Variants in MRE11 observed in about 807,000 individuals in gnomAD.
The protein encoded by MRE11 is MRE11 double strand break repair nuclease, also known as double-strand break repair protein MRE11.
MRE11 carries 62 observed loss-of-function variants against 91.7 expected under a neutral mutation model. The observed-to-expected ratio is 0.68, with a 90% CI of 0.55 to 0.84. The LOEUF (loss-of-function observed/expected upper bound fraction) is 0.84, where lower values mean the gene tolerates loss of function less well. Ranked by LOEUF, MRE11 falls within the 40% of genes least tolerant of loss-of-function variation. The pLI is 0.00. For missense variants in MRE11, 796 were observed against 852.9 expected (o/e 0.93, Z 0.83); for synonymous variants, 273 against 271.4 (o/e 1.01, Z -0.06).
chr11:94,477,517 G>C (rs987032190), intron 6 of MRE11, among the ~76,000 whole-genome samples: 1 of 152,166 alleles, frequency 6.6e-6, no homozygotes, highest in African/African-American at 2.4e-5. Flanking sequence ...GGATTAGAGA[G>C]GGTCTCAGAA....
chr11:94,422,546 A>C (rs34056638), intron 19 of MRE11, among the ~76,000 whole-genome samples: 23,927 of 152,034 alleles, frequency 0.16, 2,382 homozygotes, highest in African/African-American at 0.28. Flanking sequence ...TAGAAGCTAA[A>C]AAAAATTCCG....
chr11:94,512,324 G>A, the MRE11 span: 2 of 418,230 alleles, frequency 4.8e-6, no homozygotes, highest in South Asian at 2.7e-4. Flanking sequence ...AAAGTCCTTT[G>A]CTTTGGTCAA....
At chr11:94,430,713 C>T (rs924263045) in intron 18 of MRE11, among the ~76,000 whole-genome samples, 1 of 152,110 alleles carries the variant, frequency 6.6e-6, no homozygotes, top group African/African-American at 2.4e-5. Flanking sequence ...TCGTGATCCG[C>T]CCACCTCGGC....
In MRE11 at chr11:94,419,456, G is replaced by C. The variant is rs886048755; in HGVS notation, c.*669C>G. ...AGGAGAAAGGAAGAGTGGGGAACGG[G>C]GGGGAGAGGGAGAGAGAGAGAGAGA... is the stretch of plus-strand genomic sequence containing the variant. On this transcript the variant is annotated 3_prime_UTR_variant, in exon 20 of 20. Transcript: ENST00000323929. The C allele has an allele frequency of 1.3e-4, 30 of 222,258 alleles. No individual in the cohort carries two copies. The highest frequency in any genetic ancestry group is 4.1e-4 in the South Asian group (2 of 4,878). 13.8% of individuals were successfully genotyped at this position (222,258 alleles called of 1,614,324 possible).
In MRE11 at chr11:94,464,197, A is replaced by G. The variant is rs767307692; in HGVS notation, c.1141T>C (p.Phe381Leu). Residue 381 changes from phenylalanine (F) to leucine (L), a missense_variant, in exon 11 of 20, where the codon TTT becomes CTT. By Grantham distance (22) the Phe-to-Leu change is conservative. Transcript: ENST00000323929. ...GGFEPFSVLR[F>L]SQKFVDRVAN... ...ACCCGATCCACAAATTTCTGGCTAA[A>G]GCGAAGAACACTGAAAGGTTCAAAA... The G allele has an allele frequency of 3.2e-5, 52 of 1,613,912 alleles. No individual in the cohort carries two copies. Among genetic ancestry groups the G allele is most frequent in the Non-Finnish European group, 4.4e-5 (52 of 1,179,958 alleles).
At chr11:94,459,387 A>T in intron 13 of MRE11, 21 bp downstream of exon 13, 1 of 1,613,066 alleles carries the variant, frequency 6.2e-7, no homozygotes, top group Non-Finnish European at 8.5e-7. Context: ...ATAGACCTAG[A>T]CACTCAAATT....
intron 8 of MRE11, among the ~76,000 whole-genome samples, chr11:94,470,963 A>G (rs1234432282): frequency 1.3e-5 from 2 of 152,060 alleles, no homozygotes; most frequent in African/African-American, 2.4e-5. Flanking sequence ...ACATCTATAT[A>G]CCTATGTATA....
rs781261698 is a variant in MRE11, at chr11:94,467,786, T to C, written c.1098+27A>G. On this transcript the variant is annotated intron_variant, in intron 10 of 19. Transcript: ENST00000323929. ...ATTACTATGCTTTGAAAATTAATAA[T>C]ATTCAATCTATATAAATAGGACTTA... The C allele has an allele frequency of 1.9e-6, 3 of 1,548,210 alleles. No homozygotes were observed. The Admixed American group carries it at 5.0e-5, about 26-fold the overall frequency.
intron 16 of MRE11, 26 bp from the exon 17 acceptor site, chr11:94,437,261 ATTATG>A (rs1178413469): frequency 6.2e-7 from 1 of 1,605,570 alleles, no homozygotes; most frequent in African/African-American, 1.3e-5. Context: ...TGAAATGTGC[ATTATG>A]TTATTCTTAA....
chr11:94,483,153 A>G (rs1332481510), intron 4 of MRE11, among the ~76,000 whole-genome samples: 1 of 151,918 alleles, frequency 6.6e-6, no homozygotes, highest in Non-Finnish European at 1.5e-5. Context: ...CTCCCAATAT[A>G]AAGTCACACT....
At chr11:94,502,868 T>TAAACA in the MRE11 span, among the ~76,000 whole-genome samples, 1 of 152,262 alleles carries the variant, frequency 6.6e-6, no homozygotes, top group South Asian at 2.1e-4. Flanking sequence ...AGAGACTGGG[T>TAAACA]TTCACTATGT....
In MRE11 at chr11:94,492,916, A is replaced by T; in HGVS notation, c.-105-10T>A. 1 of 947,382 alleles carries T rather than the reference A, an allele frequency of 1.1e-6. No individual in the cohort carries two copies. The highest frequency in any genetic ancestry group is 1.7e-6 in the Non-Finnish European group (1 of 593,582). The allele number at this position is 947,382 out of a possible 1,614,324, so 58.7% of individuals were successfully genotyped here. ...CCAAATTCTAGAAATTCTAAAAACA[A>T]AATTACATCATAAAACACATTTTTT... On this transcript the variant is annotated splice_polypyrimidine_tract_variant and intron_variant, in intron 1 of 19. Transcript: ENST00000323929.
chr11:94,447,484 C>A (rs1945970101), intron 14 of MRE11, 46 bp from the exon 15 acceptor site: 3 of 1,559,256 alleles, frequency 1.9e-6, no homozygotes, highest in South Asian at 1.1e-5. Context: ...AGATAACGTA[C>A]CATCCTAAAA....
intron 14 of MRE11, among the ~76,000 whole-genome samples, chr11:94,451,714 T>C (rs1565215271): frequency 1.3e-5 from 2 of 152,168 alleles, no homozygotes; most frequent in Admixed American, 6.5e-5. Context: ...CCCAAATGTA[T>C]ATCTTCATAA....
chr11:94,439,061 C>T (rs554715), intron 16 of MRE11, among the ~76,000 whole-genome samples: 100,249 of 152,044 alleles, frequency 0.66, 33,203 homozygotes, highest in South Asian at 0.77. Context: ...TTACAACTCC[C>T]GTGGCTACAA....
Position 94,470,581 on chromosome 11 carries a change from T to A in MRE11, c.907A>T (p.Thr303Ser). Residue 303 changes from threonine (T) to serine (S), a missense_variant, in exon 9 of 20, where the codon ACA becomes TCA. By Grantham distance (58) the Thr-to-Ser change is moderately conservative. Coordinates refer to ENST00000323929, the MANE Select transcript of MRE11 (RefSeq NM_005591.4). Reference protein sequence around the residue: ...KMNMHKIPLHTVRQFFMEDIV... With the variant: ...KMNMHKIPLHSVRQFFMEDIV... ...TCCTCCATGAAAAACTGCCGCACTG[T>A]GTGAAGAGGAATTTTATGCATATTC... is the stretch of plus-strand genomic sequence containing the variant. 2 of 1,613,370 alleles carry A rather than the reference T, an allele frequency of 1.2e-6. No individual in the cohort carries two copies. Among genetic ancestry groups the A allele is most frequent in the South Asian group, 1.1e-5 (1 of 91,054 alleles).
intron 19 of MRE11, among the ~76,000 whole-genome samples, chr11:94,423,790 G>C (rs1227141939): frequency 2.0e-5 from 3 of 152,228 alleles, no homozygotes; most frequent in Non-Finnish European, 2.9e-5. Flanking sequence ...CCACAGGCTG[G>C]TCCCAGTGCT....
intron 19 of MRE11, among the ~76,000 whole-genome samples, chr11:94,424,261 T>C (rs1945250789): frequency 6.6e-6 from 1 of 152,148 alleles, no homozygotes; most frequent in Non-Finnish European, 1.5e-5. Flanking sequence ...ATTCTGCCAA[T>C]ATACATCTCT....
chr11:94,442,381 C>T (rs1202403796), intron 16 of MRE11, among the ~76,000 whole-genome samples: 3 of 152,162 alleles, frequency 2.0e-5, no homozygotes, highest in South Asian at 2.1e-4. Flanking sequence ...AACTCAAAGA[C>T]GACTCATTTT....
Sources: allele counts gnomAD v4.1 joint callset (sites outside exome capture counted in the v4.1 genomes callset), GRCh38; gene constraint gnomAD v4.1.1; transcripts MANE v1.5; gene names NCBI Gene and HGNC (gene_info 2026-07-23, HGNC 2026-07-21).